Variants in HYCC1 observed in about 807,000 individuals in gnomAD.
HYCC1 encodes the protein hyccin.
At chr7:22,898,963 A>G in the HYCC1 span, among the ~76,000 whole-genome samples, 1 of 152,214 alleles carries the variant, frequency 6.6e-6, no homozygotes, top group Non-Finnish European at 1.5e-5. Flanking sequence ...GCTTGCATAC[A>G]GGAAGGTTTA....
the HYCC1 span, among the ~76,000 whole-genome samples, chr7:23,001,523 T>C: frequency 1.3e-5 from 2 of 152,188 alleles, no homozygotes; most frequent in Non-Finnish European, 2.9e-5. Flanking sequence ...GATATTTTCA[T>C]TTTAAAATAA....
chr7:22,933,798 T>C, the HYCC1 span, among the ~76,000 whole-genome samples: 14 of 152,228 alleles, frequency 9.2e-5, no homozygotes, highest in African/African-American at 2.9e-4. Context: ...CTGATAACAC[T>C]AATAACTGGG....
the HYCC1 span, among the ~76,000 whole-genome samples, chr7:22,974,066 T>G: frequency 2.0e-5 from 3 of 151,868 alleles, no homozygotes; most frequent in Non-Finnish European, 4.4e-5. Context: ...ACCTGGACTT[T>G]GCAGTGTGTT....
chr7:22,939,760 T>A, the HYCC1 span: 2 of 152,186 alleles, frequency 1.3e-5, no homozygotes, highest in Non-Finnish European at 1.5e-5. Context: ...ACTCAGCAGC[T>A]AGGTGACCTT....
the HYCC1 span, among the ~76,000 whole-genome samples, chr7:22,918,124 T>G: frequency 6.6e-6 from 1 of 152,074 alleles, no homozygotes; most frequent in Non-Finnish European, 1.5e-5. Context: ...ATAAAAAAAC[T>G]CAAGAATAGA....
At chr7:23,002,164 A>ATACACAAT in the HYCC1 span, among the ~76,000 whole-genome samples, 433 of 26,154 alleles carry the variant, frequency 0.017, 8 homozygotes, top group African/African-American at 0.041. Context: ...ATATATATAT[A>ATACACAAT]TATATATATA....
the HYCC1 span, among the ~76,000 whole-genome samples, chr7:22,914,697 C>T: frequency 6.6e-6 from 1 of 152,176 alleles, no homozygotes; most frequent in Non-Finnish European, 1.5e-5. Context: ...TTCTTTCTCT[C>T]CTGTTCCTTC....
the HYCC1 span, among the ~76,000 whole-genome samples, chr7:22,967,302 A>G: frequency 1.3e-5 from 2 of 152,196 alleles, no homozygotes; most frequent in Non-Finnish European, 2.9e-5. Context: ...ATTCTCAGAA[A>G]AGAGATTCCT....
the HYCC1 span, among the ~76,000 whole-genome samples, chr7:22,950,583 C>T: frequency 6.6e-6 from 1 of 151,896 alleles, no homozygotes; most frequent in African/African-American, 2.4e-5. Flanking sequence ...ATACATATAG[C>T]TTATGCTAAT....
the HYCC1 span, among the ~76,000 whole-genome samples, chr7:22,931,993 G>A: frequency 0.38 from 57,960 of 151,972 alleles, 11,280 homozygotes; most frequent in Non-Finnish European, 0.42. Context: ...ACCAGCATTT[G>A]CTGCCTGAAA....
At chr7:22,946,659 A>G in the HYCC1 span, among the ~76,000 whole-genome samples, 36 of 152,110 alleles carry the variant, frequency 2.4e-4, no homozygotes, top group Non-Finnish European at 4.6e-4. Context: ...AAGCTCAAAC[A>G]TAAAATTCTA....
chr7:22,942,672 A>G, the HYCC1 span: 1 of 152,174 alleles, frequency 6.6e-6, no homozygotes, highest in Non-Finnish European at 1.5e-5. Context: ...TTTGTGTGGA[A>G]TCCTTCTCAT....
the HYCC1 span, among the ~76,000 whole-genome samples, chr7:22,975,437 A>G: frequency 6.6e-6 from 1 of 152,194 alleles, no homozygotes; most frequent in Non-Finnish European, 1.5e-5. Flanking sequence ...TACTATACTC[A>G]AGGATATAAT....
chr7:22,929,178 AC>A, the HYCC1 span, among the ~76,000 whole-genome samples: 2 of 152,240 alleles, frequency 1.3e-5, no homozygotes, highest in Non-Finnish European at 2.9e-5. Context: ...TACACCTTAT[AC>A]AAAAATTAAT....
At chr7:22,952,819 A>T in the HYCC1 span, among the ~76,000 whole-genome samples, 1 of 152,014 alleles carries the variant, frequency 6.6e-6, no homozygotes, top group Admixed American at 6.6e-5. Flanking sequence ...GAAACACAGG[A>T]TGGGACCCTG....
chr7:23,008,925 T>A, the HYCC1 span, among the ~76,000 whole-genome samples: 1 of 152,086 alleles, frequency 6.6e-6, no homozygotes, highest in Non-Finnish European at 1.5e-5. Flanking sequence ...AATTTGGAAA[T>A]GCAAGCCCTT....
the HYCC1 span, chr7:22,946,868 C>G: frequency 3.8e-6 from 4 of 1,042,344 alleles, no homozygotes; most frequent in Admixed American, 4.8e-5. Flanking sequence ...ATAATTCATG[C>G]ATTTGGATTA....
the HYCC1 span, among the ~76,000 whole-genome samples, chr7:22,969,170 C>CTT: frequency 6.6e-6 from 1 of 151,992 alleles, no homozygotes; most frequent in African/African-American, 2.4e-5. Context: ...GAGGCCAGTT[C>CTT]TTTTTTTGTT....
the HYCC1 span, among the ~76,000 whole-genome samples, chr7:23,006,670 C>A: frequency 3.3e-5 from 5 of 152,304 alleles, no homozygotes; most frequent in East Asian, 9.6e-4. Flanking sequence ...AAAACCTAAT[C>A]TTCATGGTAC....
Sources: gnomAD v4.1 joint callset for allele counts (sites outside exome capture counted in the v4.1 genomes callset) on GRCh38, gnomAD v4.1.1 for gene constraint, MANE v1.5 for transcripts, NCBI Gene and HGNC (gene_info 2026-07-23, HGNC 2026-07-21) for gene names.